The following AGBL4 variants were observed in gnomAD, a reference collection of about 807,000 sequenced individuals.
AGBL4 encodes the protein AGBL carboxypeptidase 4.
AGBL4 carries 58 observed loss-of-function variants against 66.4 expected under a neutral mutation model. The observed-to-expected ratio is 0.87, with a 90% CI of 0.71 to 1.09. The LOEUF (loss-of-function observed/expected upper bound fraction) is 1.09. Ranked by LOEUF, AGBL4 falls within the 50% of genes least tolerant of loss-of-function variation. The pLI is 0.00. For missense variants in AGBL4, 579 were observed against 631.0 expected, an observed-to-expected ratio of 0.92 and a Z score of 0.88; for synonymous variants, 234 against 222.9, an observed-to-expected ratio of 1.05 and a Z score of -0.44.
At chr1:49,536,274 T>C (rs1651575937) in intron 3 of AGBL4, among the ~76,000 whole-genome samples, 1 of 152,174 alleles carries the variant, frequency 6.6e-6, no homozygotes, top group Non-Finnish European at 1.5e-5. Flanking sequence ...GAGCCCCCTG[T>C]GTGTCTATAT....
intron 2 of AGBL4, chr1:49,845,941 A>G: frequency 3.3e-6 from 5 of 1,507,374 alleles, no homozygotes; most frequent in Non-Finnish European, 4.6e-6. Context: ...GCAGCAAGGC[A>G]TTCAGCCACA....
At chr1:48,593,285 G>A (rs546257045) in intron 9 of AGBL4, among the ~76,000 whole-genome samples, 45 of 152,092 alleles carry the variant, frequency 3.0e-4, no homozygotes, top group Non-Finnish European at 5.3e-4. Context: ...TCTTGGAGGC[G>A]ATTCTTTCTT....
chr1:48,752,782 G>C (rs1211289094), intron 6 of AGBL4, among the ~76,000 whole-genome samples: 4 of 151,552 alleles, frequency 2.6e-5, no homozygotes, highest in African/African-American at 9.7e-5. Flanking sequence ...ACAGAGTCTC[G>C]CTCTGTCGCC....
At chr1:49,371,353 A>G (rs943351317) in intron 3 of AGBL4, among the ~76,000 whole-genome samples, 2 of 152,058 alleles carry the variant, frequency 1.3e-5, no homozygotes, top group African/African-American at 4.8e-5. Flanking sequence ...TTTACTTGCT[A>G]TCTCCTCTGC....
intron 3 of AGBL4, among the ~76,000 whole-genome samples, chr1:49,451,678 T>A (rs917900863): frequency 2.0e-5 from 3 of 152,060 alleles, no homozygotes; most frequent in African/African-American, 7.2e-5. Flanking sequence ...AACCCTTTAG[T>A]ACACTGACTT....
intron 4 of AGBL4, among the ~76,000 whole-genome samples, chr1:49,155,012 C>T (rs1289143921): frequency 2.0e-5 from 3 of 152,082 alleles, no homozygotes; most frequent in Non-Finnish European, 4.4e-5. Flanking sequence ...AACATAGAAC[C>T]ATTTACCATT....
At chr1:49,026,658 A>C (rs1663720447) in intron 5 of AGBL4, among the ~76,000 whole-genome samples, 1 of 152,226 alleles carries the variant, frequency 6.6e-6, no homozygotes, top group Non-Finnish European at 1.5e-5. Context: ...CACAATGCAC[A>C]GTCAAACATA....
intron 9 of AGBL4, among the ~76,000 whole-genome samples, chr1:48,593,010 C>T (rs563908261): frequency 6.6e-6 from 1 of 152,228 alleles, no homozygotes; most frequent in South Asian, 2.1e-4. Context: ...CTTTAAAGAA[C>T]CAGCACCTGA....
intron 3 of AGBL4, among the ~76,000 whole-genome samples, chr1:49,409,514 A>C (rs1232824913): frequency 1.3e-5 from 2 of 152,206 alleles, no homozygotes; most frequent in African/African-American, 4.8e-5. Flanking sequence ...CACAACCCAG[A>C]GACCTTAAAG....
intron 3 of AGBL4, among the ~76,000 whole-genome samples, chr1:49,691,701 G>A (rs1408189187): frequency 6.6e-6 from 1 of 152,096 alleles, no homozygotes; most frequent in Non-Finnish European, 1.5e-5. Flanking sequence ...ATTAACATTT[G>A]AGTCAGTTGG....
intron 6 of AGBL4, among the ~76,000 whole-genome samples, chr1:48,813,753 G>A (rs1437706980): frequency 6.6e-6 from 1 of 151,966 alleles, no homozygotes; most frequent in Non-Finnish European, 1.5e-5. Flanking sequence ...AATTGGGTAA[G>A]GTGGATCCTA....
At chr1:49,318,605 T>C (rs1395546268) in intron 3 of AGBL4, among the ~76,000 whole-genome samples, 1 of 152,038 alleles carries the variant, frequency 6.6e-6, no homozygotes. Context: ...TGTATACAAA[T>C]ATTTAGAATG....
intron 5 of AGBL4, among the ~76,000 whole-genome samples, chr1:48,952,763 C>T (rs1460867309): frequency 6.6e-6 from 1 of 152,160 alleles, no homozygotes; most frequent in Non-Finnish European, 1.5e-5. Context: ...CAAGCTTGTC[C>T]AACTCACAGC....
At chr1:49,787,716 C>T (rs1274447898) in intron 2 of AGBL4, among the ~76,000 whole-genome samples, 1 of 152,046 alleles carries the variant, frequency 6.6e-6, no homozygotes, top group African/African-American at 2.4e-5. Context: ...GAAAACCACA[C>T]GGGGTGAAGT....
intron 3 of AGBL4, among the ~76,000 whole-genome samples, chr1:49,512,738 G>A (rs1050709024): frequency 4.0e-5 from 6 of 151,650 alleles, no homozygotes; most frequent in African/African-American, 9.7e-5. Context: ...TTTCTTTATA[G>A]CAATGCACAA....
At chr1:49,324,813 C>T (rs1645196972) in intron 3 of AGBL4, among the ~76,000 whole-genome samples, 1 of 152,170 alleles carries the variant, frequency 6.6e-6, no homozygotes, top group Non-Finnish European at 1.5e-5. Context: ...AACATATTTG[C>T]CTTAGTATCT....
intron 1 of AGBL4, chr1:49,996,220 T>C (rs1478926237): frequency 6.6e-6 from 1 of 151,316 alleles, no homozygotes; most frequent in Non-Finnish European, 1.5e-5. Context: ...AGAAAAAAAA[T>C]CTCTGAATTG....
intron 6 of AGBL4, among the ~76,000 whole-genome samples, chr1:48,802,810 T>C (rs978608651): frequency 6.6e-6 from 1 of 152,214 alleles, no homozygotes; most frequent in African/African-American, 2.4e-5. Context: ...GTCTTTTAAT[T>C]TCACTTCATA....
chr1:48,934,670 C>G (rs1655306806), intron 5 of AGBL4, among the ~76,000 whole-genome samples: 2 of 152,154 alleles, frequency 1.3e-5, no homozygotes, highest in Admixed American at 1.3e-4. Flanking sequence ...GCCAGAAACC[C>G]AGGAGGTCTC....
Sources: gnomAD v4.1 joint callset for allele counts (sites outside exome capture counted in the v4.1 genomes callset) on GRCh38, gnomAD v4.1.1 for gene constraint, MANE v1.5 for transcripts, NCBI Gene and HGNC (gene_info 2026-07-23, HGNC 2026-07-21) for gene names.